The following MACROD2 variants were observed in gnomAD, a reference collection of about 807,000 sequenced individuals.
MACROD2 encodes the protein mono-ADP ribosylhydrolase 2.
A neutral mutation model predicts 70.4 loss-of-function variants in MACROD2; 36 were observed. The ratio of observed to expected loss-of-function variants is 0.51; its 90% confidence interval spans 0.39 to 0.68. MACROD2 has a LOEUF of 0.68. MACROD2 is among the 30% of genes least tolerant of loss of function. The pLI, the probability that MACROD2 is intolerant of heterozygous loss-of-function variation, is 0.00. For missense variants in MACROD2, 496 were observed against 538.4 expected (o/e 0.92, Z 0.78); for synonymous variants, 172 against 178.8 (o/e 0.96, Z 0.30).
chr20:14,786,200 A>AAGAGAGAGAGAGAGAGAGAGAG (rs1219384490), intron 5 of MACROD2, among the ~76,000 whole-genome samples: 7 of 66,198 alleles, frequency 1.1e-4, no homozygotes, highest in African/African-American at 3.6e-4. Context: ...CACTCAGAGA[A>AAGAGAGAGAGAGAGAGAGAGAG]AGATAGAGAG....
intron 6 of MACROD2, among the ~76,000 whole-genome samples, chr20:15,370,431 G>C (rs78553377): frequency 0.11 from 16,838 of 152,072 alleles, 1,179 homozygotes; most frequent in Non-Finnish European, 0.16. Flanking sequence ...TTCTATGGTG[G>C]TGAGCTGATT....
At chr20:15,163,744 G>A (rs1369586276) in intron 5 of MACROD2, among the ~76,000 whole-genome samples, 1 of 150,976 alleles carries the variant, frequency 6.6e-6, no homozygotes, top group African/African-American at 2.4e-5. Flanking sequence ...AAAAGACAAT[G>A]TATGACAGAA....
intron 6 of MACROD2, among the ~76,000 whole-genome samples, chr20:15,302,375 C>CAT: frequency 2.7e-5 from 1 of 36,582 alleles, no homozygotes; most frequent in African/African-American, 1.4e-4. Flanking sequence ...CACACACACA[C>CAT]ACACACATAC....
At chr20:15,059,173 G>A (rs935388167) in intron 5 of MACROD2, among the ~76,000 whole-genome samples, 2 of 152,048 alleles carry the variant, frequency 1.3e-5, no homozygotes, top group East Asian at 1.9e-4. Flanking sequence ...TGAGGCAGGC[G>A]GATCACCTGA....
At chr20:15,799,100 T>C (rs1401465861) in intron 8 of MACROD2, among the ~76,000 whole-genome samples, 1 of 152,206 alleles carries the variant, frequency 6.6e-6, no homozygotes, top group Non-Finnish European at 1.5e-5. Flanking sequence ...AAAGAGCTTA[T>C]GATCTTTTGG....
chr20:14,379,209 T>G (rs1400423514), intron 3 of MACROD2, among the ~76,000 whole-genome samples: 1 of 152,134 alleles, frequency 6.6e-6, no homozygotes, highest in East Asian at 1.9e-4. Flanking sequence ...GTCGTATAAT[T>G]AGAAAGAGGT....
At chr20:15,611,684 C>T (rs1464719334) in intron 8 of MACROD2, among the ~76,000 whole-genome samples, 1 of 151,636 alleles carries the variant, frequency 6.6e-6, no homozygotes, top group Non-Finnish European at 1.5e-5. Context: ...ACCCCCTCGG[C>T]ACTTACATGC....
intron 3 of MACROD2, among the ~76,000 whole-genome samples, chr20:14,197,009 C>T (rs954372461): frequency 2.0e-5 from 3 of 152,142 alleles, no homozygotes; most frequent in African/African-American, 4.8e-5. Flanking sequence ...GCTGTACACA[C>T]GGCATATTAG....
chr20:15,979,186 G>C (rs957101042), intron 13 of MACROD2, among the ~76,000 whole-genome samples: 1 of 152,172 alleles, frequency 6.6e-6, no homozygotes, highest in African/African-American at 2.4e-5. Context: ...AACCCCAACA[G>C]TTTCACTGGG....
chr20:15,993,840 C>T (rs1464917067), intron 15 of MACROD2, among the ~76,000 whole-genome samples: 1 of 152,138 alleles, frequency 6.6e-6, no homozygotes, highest in Admixed American at 6.6e-5. Context: ...TTCATTACTA[C>T]AAGTTTTCTA....
chr20:15,686,745 C>T (rs1049203978), intron 8 of MACROD2, among the ~76,000 whole-genome samples: 13 of 151,830 alleles, frequency 8.6e-5, no homozygotes, highest in South Asian at 6.3e-4. Flanking sequence ...TGGTGGCGCA[C>T]GCCTATAGTC....
intron 5 of MACROD2, among the ~76,000 whole-genome samples, chr20:14,860,190 G>A (rs1304256559): frequency 1.3e-5 from 2 of 152,080 alleles, no homozygotes; most frequent in Non-Finnish European, 2.9e-5. Flanking sequence ...AATTGTACAG[G>A]TTACTATTTC....
chr20:15,169,289 T>A (rs1018022051), intron 5 of MACROD2, among the ~76,000 whole-genome samples: 5 of 152,200 alleles, frequency 3.3e-5, no homozygotes, highest in Non-Finnish European at 7.3e-5. Flanking sequence ...ATAAAGTTCT[T>A]CAGCATGACA....
chr20:15,913,508 G>C, intron 10 of MACROD2, among the ~76,000 whole-genome samples: 1 of 152,138 alleles, frequency 6.6e-6, no homozygotes, highest in East Asian at 1.9e-4. Flanking sequence ...AGAATCATAA[G>C]CCCTTATGAG....
At chr20:14,162,955 A>T (rs1174052604) in intron 3 of MACROD2, among the ~76,000 whole-genome samples, 1 of 151,600 alleles carries the variant, frequency 6.6e-6, no homozygotes, top group Non-Finnish European at 1.5e-5. Flanking sequence ...TGTTTCTTTC[A>T]TTCTCTCTTA....
intron 5 of MACROD2, among the ~76,000 whole-genome samples, chr20:15,228,553 A>G (rs1052949128): frequency 1.0e-4 from 14 of 138,862 alleles, no homozygotes; most frequent in African/African-American, 3.9e-4. Context: ...GCAGCGGTGC[A>G]ATCTCGGCTC....
At chr20:16,020,654 T>C (rs978520140) in intron 15 of MACROD2, among the ~76,000 whole-genome samples, 1 of 150,468 alleles carries the variant, frequency 6.6e-6, no homozygotes, top group Admixed American at 6.7e-5. Context: ...ATCTCATACT[T>C]TGGCTAAAAT....
intron 5 of MACROD2, among the ~76,000 whole-genome samples, chr20:14,751,315 CT>C (rs5840630): frequency 1.7e-4 from 26 of 149,298 alleles, no homozygotes; most frequent in Admixed American, 2.7e-4. Flanking sequence ...CAGTTCCTCC[CT>C]TTTTTTTTTG....
At position 14,635,342 on chromosome 20, in the gene MACROD2, G is replaced by C. The variant is rs369350533; in HGVS notation, c.302-49501G>C. Among the ~76,000 whole-genome samples the C allele has an allele frequency of 5.7e-4, 86 of 152,184 alleles. 2 individuals are homozygous for C. The highest frequency in any genetic ancestry group is 2.0e-3 in the African/African-American group (83 of 41,512). ...AGAGGTTCCTTCACTACACCCACTA[G>C]CAAAGGTGACAAAGCCAGATTTGTA... On this transcript the variant is annotated intron_variant, in intron 4 of 17. Coordinates refer to ENST00000684519, the MANE Select transcript of MACROD2 (RefSeq NM_001351661.2).
Sources: allele counts gnomAD v4.1 joint callset (sites outside exome capture counted in the v4.1 genomes callset), GRCh38; gene constraint gnomAD v4.1.1; transcripts MANE v1.5; gene names NCBI Gene and HGNC (gene_info 2026-07-23, HGNC 2026-07-21).